The following IL33 variants were observed in gnomAD, a reference collection of about 807,000 sequenced individuals.
IL33 encodes the protein interleukin 33, also known as interleukin-33.
Under a neutral mutation model 27.3 loss-of-function variants are expected in IL33, and 37 were observed. The observed-to-expected ratio is 1.36, with a 90% CI of 1.04 to 1.78. The LOEUF (loss-of-function observed/expected upper bound fraction) is 1.78. Among genes scored for constraint, IL33 ranks in the 40% most tolerant of loss-of-function variants. The probability of loss-of-function intolerance (pLI) is 0.00; values close to 1 mark genes in which losing one functional copy is unlikely to be tolerated. For missense variants in IL33, 406 were observed against 311.4 expected (o/e 1.30, Z -2.29); for synonymous variants, 132 against 102.9 (o/e 1.28, Z -1.71).
chr9:6,243,059 C>T (rs962449988), intron 2 of IL33, among the ~76,000 whole-genome samples: 5 of 152,184 alleles, frequency 3.3e-5, no homozygotes, highest in East Asian at 1.9e-4. Context: ...TGGCACCAAG[C>T]TGTTCATGAG....
At chr9:6,236,015 C>CCACACA (rs762413829) in intron 1 of IL33, among the ~76,000 whole-genome samples, 7 of 84,210 alleles carry the variant, frequency 8.3e-5, no homozygotes, top group Non-Finnish European at 1.2e-4. Flanking sequence ...CCACCCACAC[C>CCACACA]CATACACACA....
upstream of IL33, among the ~76,000 whole-genome samples, chr9:6,215,293 A>C (rs542683452): frequency 4.6e-5 from 7 of 152,310 alleles, no homozygotes; most frequent in African/African-American, 1.4e-4. Context: ...AGATGAATAG[A>C]AAGAAAAGAT....
In IL33 at chr9:6,225,877, C is replaced by A. The variant is rs541248288; in HGVS notation, c.-12+10025C>A. On this transcript the variant is annotated intron_variant, in intron 1 of 7. Coordinates refer to ENST00000682010, the MANE Select transcript of IL33 (RefSeq NM_033439.4). ...AACTGGGACCATAGGCACATACCAC[C>A]ATGCACAGCTAATTTTTCTTTTTTA... Among the ~76,000 whole-genome samples the A allele has an allele frequency of 5.3e-5, 8 of 152,274 alleles. No homozygotes were observed. The East Asian group carries it at 1.5e-3, about 29-fold the overall frequency.
At chr9:6,241,381 G>A (rs1264833230) in intron 1 of IL33, among the ~76,000 whole-genome samples, 2 of 152,166 alleles carry the variant, frequency 1.3e-5, no homozygotes, top group African/African-American at 2.4e-5. Flanking sequence ...CGCAAGTAAT[G>A]AATTGTTCTA....
chr9:6,248,398 G>T (rs1820003194), intron 2 of IL33, among the ~76,000 whole-genome samples: 1 of 151,772 alleles, frequency 6.6e-6, no homozygotes, highest in Non-Finnish European at 1.5e-5. Context: ...GATTACTGCT[G>T]TTATCATGGG....
In IL33 at chr9:6,252,852, A is replaced by G. The variant is rs1449637371; in HGVS notation, c.344-14A>G. 6.9e-6 allele frequency: 11 copies of G among 1,594,880 alleles called. No homozygotes were observed. The highest frequency in any genetic ancestry group is 4.5e-5 in the East Asian group (2 of 44,704). The stretch of plus-strand genomic sequence containing the variant: ...AGAATTGTGCCTGACAAATTTTTGA[A>G]TTCTTAACAACAGGAATTTCACCTA... On this transcript the variant is annotated splice_polypyrimidine_tract_variant and intron_variant, in intron 4 of 7. Transcript: ENST00000682010.
intron 1 of IL33, among the ~76,000 whole-genome samples, chr9:6,236,737 G>A (rs1256605572): frequency 1.3e-5 from 2 of 152,136 alleles, no homozygotes; most frequent in African/African-American, 4.8e-5. Context: ...AGGTGTGGTG[G>A]CATACACCTT....
At chr9:6,252,083 CAA>C (rs1564073361) in intron 4 of IL33, among the ~76,000 whole-genome samples, 1 of 70,432 alleles carries the variant, frequency 1.4e-5, no homozygotes, top group African/African-American at 5.2e-5. Flanking sequence ...AAAAACAAAA[CAA>C]AACAAAAAAA....
At chr9:6,248,187 T>G (rs1819977593) in intron 2 of IL33, among the ~76,000 whole-genome samples, 1 of 152,068 alleles carries the variant, frequency 6.6e-6, no homozygotes, top group Admixed American at 6.6e-5. Flanking sequence ...ATGCTAAAAT[T>G]TAATCACCAT....
intron 1 of IL33, among the ~76,000 whole-genome samples, chr9:6,235,759 A>C (rs1819166027): frequency 6.6e-6 from 1 of 152,196 alleles, no homozygotes; most frequent in South Asian, 2.1e-4. Context: ...GATAGTTTAC[A>C]CTCTTTAGAA....
intron 4 of IL33, among the ~76,000 whole-genome samples, chr9:6,251,520 T>C (rs780263281): frequency 6.6e-6 from 1 of 152,142 alleles, no homozygotes; most frequent in Non-Finnish European, 1.5e-5. Context: ...TGGAATCCCA[T>C]GGTCATTAGT....
At chr9:6,239,935 T>G (rs557794337) in intron 1 of IL33, among the ~76,000 whole-genome samples, 1 of 152,192 alleles carries the variant, frequency 6.6e-6, no homozygotes, top group East Asian at 1.9e-4. Context: ...ATGGGCACAC[T>G]GATATTGCTG....
chr9:6,257,570 T>A lies in IL33; in HGVS notation c.*1402T>A, dbSNP rs1441621316. The A allele has an allele frequency of 6.6e-6, 1 of 152,670 alleles. No individual in the cohort carries two copies. The highest frequency in any genetic ancestry group is 1.5e-5 in the Non-Finnish European group (1 of 68,046). The allele number at this position is 152,670 out of a possible 1,614,324, so 9.5% of individuals were successfully genotyped here. A position where few individuals can be genotyped will look rare whatever the true frequency, so the allele number is the denominator to read the frequency against. On this transcript the variant is annotated 3_prime_UTR_variant, in exon 8 of 8. Transcript: ENST00000682010. ...ACTACTAAAGGAGTAGTTTTTATTT[T>A]AAAGTCTTAGCAATTTCTATTACAA...
At chr9:6,226,512 T>C (rs1450316558) in intron 1 of IL33, among the ~76,000 whole-genome samples, 2 of 152,160 alleles carry the variant, frequency 1.3e-5, no homozygotes, top group Non-Finnish European at 2.9e-5. Context: ...CCTCTTTTCA[T>C]ATTTTCCACC....
chr9:6,244,005 T>C (rs1199239656), intron 2 of IL33, among the ~76,000 whole-genome samples: 2 of 152,214 alleles, frequency 1.3e-5, no homozygotes, highest in South Asian at 2.1e-4. Context: ...ATGCTCTCTG[T>C]AGAAACAGTG....
intron 2 of IL33, among the ~76,000 whole-genome samples, chr9:6,249,167 G>A (rs527610298): frequency 6.6e-6 from 1 of 152,300 alleles, no homozygotes; most frequent in Non-Finnish European, 1.5e-5. Flanking sequence ...TATTAAATCA[G>A]TTGAAGATAG....
In IL33 at chr9:6,252,076, AAC is replaced by A. The variant is rs1564073302; in HGVS notation, c.344-788_344-787del. Among the ~76,000 whole-genome samples, 35 of 133,722 alleles carry A rather than the reference AAC, an allele frequency of 2.6e-4. 1 individual carries two copies. Among genetic ancestry groups the A allele is most frequent in the African/African-American group, 9.9e-4 (33 of 33,280 alleles). The allele number at this position is 133,722 out of a possible 152,430, so 87.7% of individuals were successfully genotyped here. A position where few individuals can be genotyped will look rare whatever the true frequency, so the allele number is the denominator to read the frequency against. On this transcript the variant is annotated intron_variant, in intron 4 of 7. Transcript: ENST00000682010. ...ACAAACAAAAAAAAACCCAACAAAA[AAC>A]AAAACAAAACAAAAAAACCAACTTT... is the stretch of plus-strand genomic sequence containing the variant.
At chr9:6,244,982 G>C (rs1039487330) in intron 2 of IL33, among the ~76,000 whole-genome samples, 11 of 152,170 alleles carry the variant, frequency 7.2e-5, no homozygotes, top group Non-Finnish European at 1.0e-4. Context: ...GCAGGGTACA[G>C]GACTTCATGA....
rs77743496 is a variant in IL33, at chr9:6,216,411, C to G, written c.-12+559C>G. On this transcript the variant is annotated intron_variant, in intron 1 of 7. Coordinates refer to ENST00000682010, the MANE Select transcript of IL33 (RefSeq NM_033439.4). ...CTAATGCTTACTCAAGACAAACATG[C>G]TTGCAATTGTTTACAAGTGGTTTTC... Among the ~76,000 whole-genome samples, 706 of 152,270 alleles carry G rather than the reference C, an allele frequency of 4.6e-3. 6 individuals carry two copies. The highest frequency in any genetic ancestry group is 0.016 in the African/African-American group (657 of 41,564).
Sources: allele counts gnomAD v4.1 joint callset (sites outside exome capture counted in the v4.1 genomes callset), GRCh38; gene constraint gnomAD v4.1.1; transcripts MANE v1.5; gene names NCBI Gene and HGNC (gene_info 2026-07-23, HGNC 2026-07-21).